Variants in YEATS2 observed in about 807,000 individuals in gnomAD.
YEATS2 encodes the protein YEATS domain containing 2, also known as YEATS domain-containing protein 2.
A neutral mutation model predicts 163.2 loss-of-function variants in YEATS2; 77 were observed. The ratio of observed to expected loss-of-function variants is 0.47; its 90% CI spans 0.39 to 0.57. YEATS2 has a LOEUF of 0.57. Ranked by LOEUF, YEATS2 falls within the 20% of genes least tolerant of loss-of-function variation. The pLI is 0.00. For synonymous variants in YEATS2, 631 were observed against 645.1 expected (o/e 0.98, Z 0.33); for missense variants, 1,549 against 1,729.8 (o/e 0.90, Z 1.85).
chr3:183,808,051 G>A lies in YEATS2; in HGVS notation c.4033G>A (p.Val1345Met), dbSNP rs761313198. The change falls in exon 29 of 31, where the codon GTG becomes ATG. Residue 1345 changes from valine (V) to methionine (M), a missense_variant. Val to Met is a conservative substitution (Grantham distance 21). Transcript: ENST00000305135. ...CCAGATTGGGATCACCCTGCAGCCCGTGGCACTCCACAGGAACGTGTATGC... is the reference window on the plus strand; with the variant it reads ...CCAGATTGGGATCACCCTGCAGCCCATGGCACTCCACAGGAACGTGTATGC... ...TQKIGITLQP[V>M]ALHRNVYASV... is the part of the protein sequence containing the mutation. 1.8e-5 allele frequency: 28 copies of A among 1,563,516 alleles called. 1 individual carries two copies. In the Middle Eastern group the frequency reaches 5.0e-4, roughly 28 times the overall value.
chr3:183,766,284 C>T (rs1721898720), intron 15 of YEATS2, among the ~76,000 whole-genome samples: 1 of 152,218 alleles, frequency 6.6e-6, no homozygotes, highest in South Asian at 2.1e-4. Flanking sequence ...AAGGACCTAC[C>T]TAGCACAGAG....
rs550902486 is a variant in YEATS2, at chr3:183,793,187, C to A, written c.3097+2207C>A. 5 of 1,285,880 alleles carry A rather than the reference C, an allele frequency of 3.9e-6. No individual in the cohort carries two copies. In the African/African-American group the frequency reaches 6.1e-5, roughly 16 times the overall value. 79.7% of individuals were successfully genotyped at this position (1,285,880 alleles called of 1,614,324 possible). On this transcript the variant is annotated intron_variant, in intron 21 of 30. Transcript: ENST00000305135. ...TGAATATCACCGAGATACACACACA[C>A]ACTCACGCATGCAGACAACACCCCT...
At chr3:183,751,764 A>G (rs1720189378) in intron 9 of YEATS2, among the ~76,000 whole-genome samples, 1 of 152,268 alleles carries the variant, frequency 6.6e-6, no homozygotes. Context: ...AAAGGCAGCC[A>G]TGCAAAGATT....
intron 6 of YEATS2, among the ~76,000 whole-genome samples, chr3:183,725,041 C>CTTTTTTTTTTT (rs62826962): frequency 5.8e-4 from 51 of 87,496 alleles, no homozygotes; most frequent in African/African-American, 7.0e-4. Context: ...CCGTGCCGGC[C>CTTTTTTTTTTT]TTTTTTTTTT....
chr3:183,756,881 A>T (rs1309851582), intron 12 of YEATS2, among the ~76,000 whole-genome samples, 192 bp downstream of exon 12: 1 of 152,172 alleles, frequency 6.6e-6, no homozygotes, highest in Non-Finnish European at 1.5e-5. Flanking sequence ...CATTTTTTAG[A>T]ATTTACTTGA....
intron 24 of YEATS2, chr3:183,801,115 T>C (rs1407908015): frequency 5.2e-6 from 1 of 190,508 alleles, no homozygotes; most frequent in Non-Finnish European, 1.1e-5. Context: ...TGAACTGTAA[T>C]AACCCTAAGA....
chr3:183,743,363 A>T (rs1719175958), intron 8 of YEATS2, among the ~76,000 whole-genome samples: 1 of 151,920 alleles, frequency 6.6e-6, no homozygotes, highest in African/African-American at 2.4e-5. Flanking sequence ...TTTTTTTGAG[A>T]CAGAGTCTCA....
intron 7 of YEATS2, among the ~76,000 whole-genome samples, chr3:183,730,846 G>A (rs1717705342): frequency 6.6e-6 from 1 of 152,150 alleles, no homozygotes; most frequent in Non-Finnish European, 1.5e-5. Context: ...TTAGGTTATT[G>A]TAGTGATATA....
At chr3:183,737,017 CAATT>C (rs766976711) in intron 8 of YEATS2, among the ~76,000 whole-genome samples, 188 bp downstream of exon 8, 12 of 152,034 alleles carry the variant, frequency 7.9e-5, no homozygotes, top group Admixed American at 7.2e-4. Context: ...TGTAAACAGT[CAATT>C]AACACATATT....
chr3:183,750,371 A>T (rs966679349), intron 9 of YEATS2, among the ~76,000 whole-genome samples: 19 of 152,326 alleles, frequency 1.2e-4, no homozygotes, highest in African/African-American at 4.6e-4. Context: ...GGCTGTTGTT[A>T]ATAGTGCTGC....
intron 1 of YEATS2, among the ~76,000 whole-genome samples, chr3:183,703,833 G>A (rs1437212184): frequency 6.6e-6 from 1 of 152,064 alleles, no homozygotes; most frequent in Non-Finnish European, 1.5e-5. Flanking sequence ...TGGATCATAT[G>A]TATTTGGATT....
At chr3:183,726,727 T>A (rs7373017) in intron 6 of YEATS2, among the ~76,000 whole-genome samples, 2,414 of 152,306 alleles carry the variant, frequency 0.016, 77 homozygotes, top group East Asian at 0.14. Flanking sequence ...ATGTGGCCAT[T>A]TTCTATTTTC....
At chr3:183,774,592 G>C (rs1317434308) in intron 17 of YEATS2, among the ~76,000 whole-genome samples, 1 of 152,186 alleles carries the variant, frequency 6.6e-6, no homozygotes, top group Admixed American at 6.5e-5. Flanking sequence ...AAGCCCCATG[G>C]AAATGAGGCA....
chr3:183,743,547 T>A (rs1482179234), intron 8 of YEATS2, among the ~76,000 whole-genome samples: 2 of 152,042 alleles, frequency 1.3e-5, no homozygotes, highest in Non-Finnish European at 2.9e-5. Context: ...TTTTCCACTG[T>A]GTTGCCCAGG....
rs564339283 is a variant in YEATS2 at position 183,791,406 on chromosome 3, C to T, written c.3097+426C>T. On this transcript the variant is annotated intron_variant, in intron 21 of 30. Coordinates refer to ENST00000305135, the MANE Select transcript of YEATS2 (RefSeq NM_018023.5). ...AAAGTAATTAACCCAGCAGCATTTT[C>T]TGAACAGTTGCTTTTTAGATGAATT... 8.5e-5 allele frequency among the ~76,000 whole-genome samples: 13 copies of T among 152,328 alleles called. 1 individual carries two copies. The East Asian group carries it at 2.3e-3, about 27-fold the overall frequency.
chr3:183,776,188 T>G, intron 18 of YEATS2, 65 bp downstream of exon 18: 1 of 1,444,572 alleles, frequency 6.9e-7, no homozygotes, highest in Non-Finnish European at 9.3e-7. Context: ...TTAATTATAA[T>G]TGATTTACCT....
chr3:183,782,548 C>G (rs928733076), intron 19 of YEATS2, among the ~76,000 whole-genome samples: 5 of 152,140 alleles, frequency 3.3e-5, no homozygotes, highest in African/African-American at 1.2e-4. Flanking sequence ...CTCAGCCTCC[C>G]GAGTAGCTAG....
chr3:183,763,633 G>A (rs1272542848), intron 15 of YEATS2, among the ~76,000 whole-genome samples: 1 of 152,146 alleles, frequency 6.6e-6, no homozygotes, highest in Non-Finnish European at 1.5e-5. Flanking sequence ...ATGACAAAGT[G>A]TTTAAAGTCA....
chr3:183,810,178 C>A, intron 30 of YEATS2: 1 of 311,848 alleles, frequency 3.2e-6, no homozygotes, highest in Non-Finnish European at 6.1e-6. Context: ...TTTCGGTCTG[C>A]TGAGACTCAC....
Sources: gnomAD v4.1 joint callset for allele counts (sites outside exome capture counted in the v4.1 genomes callset) on GRCh38, gnomAD v4.1.1 for gene constraint, MANE v1.5 for transcripts, NCBI Gene and HGNC (gene_info 2026-07-23, HGNC 2026-07-21) for gene names.